GALNT14: variants seen among roughly 807,000 people sequenced by gnomAD.
The protein encoded by GALNT14 is polypeptide N-acetylgalactosaminyltransferase 14, also known as UDP-GalNAc:polypeptide N-acetylgalactosaminyltransferase 14.
Under a neutral mutation model 77.5 loss-of-function variants are expected in GALNT14, and 60 were observed. The observed-to-expected ratio is 0.77, with a 90% CI of 0.63 to 0.96. The LOEUF (loss-of-function observed/expected upper bound fraction) is 0.96. Among genes scored for constraint, GALNT14 ranks in the 40% least tolerant of loss-of-function variants. The pLI, the probability that GALNT14 is intolerant of heterozygous loss-of-function variation, is 0.00. For missense variants in GALNT14, 710 were observed against 731.0 expected, an observed-to-expected ratio of 0.97 and a Z score of 0.33; for synonymous variants, 280 against 281.7, an observed-to-expected ratio of 0.99 and a Z score of 0.06.
intron 1 of GALNT14, among the ~76,000 whole-genome samples, chr2:31,125,833 AC>A (rs1280938973): frequency 6.6e-6 from 1 of 152,200 alleles, no homozygotes; most frequent in Admixed American, 6.5e-5. Flanking sequence ...TATGCTAAAT[AC>A]AGGACGATTC....
In GALNT14 at chr2:31,137,966, T is replaced by A; in HGVS notation, c.121A>T (p.Thr41Ser). Residue 41 changes from threonine to serine, a missense_variant, in exon 1 of 15, where the codon ACC becomes TCC. Thr to Ser is a moderately conservative substitution (Grantham distance 58). Transcript: ENST00000349752. ...LEVPTGPEVQ[T>S]PKPSDADWDD... ...GCCGGCAAGCCGCCTACCTTAGGGG[T>A]CTGCACTTCAGGTCCCGTCGGCACC... The A allele has an allele frequency of 6.2e-7, 1 of 1,612,664 alleles. No individual in the cohort carries two copies. The highest frequency in any genetic ancestry group is 8.5e-7 in the Non-Finnish European group (1 of 1,179,318).
intron 1 of GALNT14, chr2:31,129,711 T>C (rs1678884176): frequency 7.4e-6 from 5 of 673,346 alleles, no homozygotes; most frequent in Non-Finnish European, 9.2e-6. Context: ...CCAGTCTCTA[T>C]GGCTGGGAGG....
At chr2:30,892,067 C>T in the GALNT14 span, among the ~76,000 whole-genome samples, 1 of 152,170 alleles carries the variant, frequency 6.6e-6, no homozygotes, top group African/African-American at 2.4e-5. Context: ...CTTCGATCAC[C>T]CTATGGTTCA....
chr2:31,128,741 C>G (rs1309454914), intron 1 of GALNT14, among the ~76,000 whole-genome samples: 1 of 152,090 alleles, frequency 6.6e-6, no homozygotes, highest in Non-Finnish European at 1.5e-5. Flanking sequence ...GAGCCTCTCT[C>G]CACTTCTTGC....
At chr2:30,952,527 G>A (rs1048713814) in intron 6 of GALNT14, among the ~76,000 whole-genome samples, 4 of 146,336 alleles carry the variant, frequency 2.7e-5, no homozygotes, top group East Asian at 4.1e-4. Context: ...ACCAAACACC[G>A]CATATTCTCA....
chr2:31,059,761 C>T (rs1674474048), intron 1 of GALNT14, among the ~76,000 whole-genome samples: 1 of 152,244 alleles, frequency 6.6e-6, no homozygotes, highest in African/African-American at 2.4e-5. Flanking sequence ...CTCACCCCTT[C>T]TGCCATGTGA....
chr2:30,929,349 G>C (rs2148245426), intron 11 of GALNT14, 46 bp downstream of exon 11: 1 of 1,471,010 alleles, frequency 6.8e-7, no homozygotes, highest in South Asian at 1.1e-5. Context: ...CTAGGAGCTG[G>C]GCTCTTTTGC....
At chr2:30,918,811 T>C (rs1442613535) in intron 13 of GALNT14, among the ~76,000 whole-genome samples, 2 of 49,280 alleles carry the variant, frequency 4.1e-5, no homozygotes, top group Non-Finnish European at 7.9e-5. Flanking sequence ...GGGAGGGTGG[T>C]GTGTGGGCTG....
At chr2:31,098,660 C>T (rs894542614) in intron 1 of GALNT14, among the ~76,000 whole-genome samples, 9 of 152,066 alleles carry the variant, frequency 5.9e-5, no homozygotes, top group African/African-American at 2.2e-4. Context: ...GGGAATCAAT[C>T]TCCTGCTCAG....
intron 1 of GALNT14, among the ~76,000 whole-genome samples, chr2:31,027,202 C>T (rs1307600844): frequency 1.3e-5 from 2 of 152,136 alleles, no homozygotes; most frequent in Admixed American, 6.5e-5. Context: ...GAGGCCAAGG[C>T]GGGTGGATCA....
chr2:31,007,452 T>C, intron 1 of GALNT14, among the ~76,000 whole-genome samples: 1 of 152,204 alleles, frequency 6.6e-6, no homozygotes, highest in African/African-American at 2.4e-5. Flanking sequence ...GTGTCACCAA[T>C]CATTCTTGTC....
At chr2:31,057,908 G>T (rs1674338680) in intron 1 of GALNT14, among the ~76,000 whole-genome samples, 2 of 152,146 alleles carry the variant, frequency 1.3e-5, no homozygotes, top group South Asian at 4.1e-4. Flanking sequence ...CCTTCAGGAG[G>T]GAGGAAAGAA....
At chr2:30,964,096 G>C (rs1667853448) in intron 3 of GALNT14, among the ~76,000 whole-genome samples, 1 of 152,224 alleles carries the variant, frequency 6.6e-6, no homozygotes, top group African/African-American at 2.4e-5. Context: ...TCAGGGGATG[G>C]AGGCACCCAG....
intron 1 of GALNT14, among the ~76,000 whole-genome samples, chr2:31,040,882 A>T (rs1214096059): frequency 6.6e-6 from 1 of 152,232 alleles, no homozygotes; most frequent in Non-Finnish European, 1.5e-5. Context: ...AAATAAATGA[A>T]TGAAAGAATA....
chr2:31,128,073 C>G (rs939487527), intron 1 of GALNT14, among the ~76,000 whole-genome samples: 1 of 152,100 alleles, frequency 6.6e-6, no homozygotes, highest in African/African-American at 2.4e-5. Flanking sequence ...CAGGAGCTTA[C>G]TGGAACTGCA....
chr2:31,007,650 A>G (rs971242318), intron 1 of GALNT14, among the ~76,000 whole-genome samples: 2 of 152,194 alleles, frequency 1.3e-5, no homozygotes, highest in African/African-American at 2.4e-5. Flanking sequence ...GTAACTGGAT[A>G]GGAATCCAGA....
At chr2:30,898,490 T>A in the GALNT14 span, among the ~76,000 whole-genome samples, 1 of 152,170 alleles carries the variant, frequency 6.6e-6, no homozygotes, top group Non-Finnish European at 1.5e-5. Flanking sequence ...AATCTCACGG[T>A]AAAATTATGA....
chr2:31,128,377 C>T (rs1468118464), intron 1 of GALNT14, among the ~76,000 whole-genome samples: 1 of 152,168 alleles, frequency 6.6e-6, no homozygotes, highest in African/African-American at 2.4e-5. Context: ...ATTAAGGTGA[C>T]GTTGGATATC....
At chr2:31,000,176 G>A (rs1670278745) in intron 1 of GALNT14, among the ~76,000 whole-genome samples, 1 of 151,816 alleles carries the variant, frequency 6.6e-6, no homozygotes, top group South Asian at 2.1e-4. Flanking sequence ...TGGGGTCTGT[G>A]CCACCATCTC....
Sources: gnomAD v4.1 joint callset for allele counts (sites outside exome capture counted in the v4.1 genomes callset) on GRCh38, gnomAD v4.1.1 for gene constraint, MANE v1.5 for transcripts, NCBI Gene and HGNC (gene_info 2026-07-23, HGNC 2026-07-21) for gene names.